The following SPTLC2 variants were observed in gnomAD, a reference collection of about 807,000 sequenced individuals.
SPTLC2 encodes the protein serine palmitoyltransferase long chain base subunit 2.
SPTLC2 carries 21 observed loss-of-function variants against 62.0 expected under a neutral mutation model. The observed-to-expected ratio is 0.34, with a 90% CI of 0.24 to 0.49. The LOEUF (loss-of-function observed/expected upper bound fraction) is 0.49. Ranked by LOEUF, SPTLC2 falls within the 20% of genes least tolerant of loss-of-function variation. SPTLC2 has a pLI of 0.99. For missense variants in SPTLC2, 511 were observed against 713.0 expected (o/e 0.72, Z 3.23); for synonymous variants, 261 against 261.8 (o/e 1.00, Z 0.03).
intron 1 of SPTLC2, 54 bp from the exon 2 acceptor site, chr14:77,597,434 A>G (rs2079853559): frequency 1.3e-6 from 2 of 1,534,384 alleles, no homozygotes; most frequent in South Asian, 2.3e-5. Context: ...AAACATTCCT[A>G]CCTAAAATCT....
At chr14:77,547,841 C>G (rs1209973929) in intron 9 of SPTLC2, 2 of 148,748 alleles carry the variant, frequency 1.3e-5, no homozygotes, top group African/African-American at 5.0e-5. Context: ...AGCTGGGACT[C>G]CAGGCATGTG....
chr14:77,526,289 AG>A (rs1426925448), intron 9 of SPTLC2, among the ~76,000 whole-genome samples: 3 of 151,888 alleles, frequency 2.0e-5, no homozygotes, highest in Non-Finnish European at 2.9e-5. Flanking sequence ...TTCACTGCAG[AG>A]TTTCAGCAAG....
At chr14:77,585,089 G>C (rs1176060012) in intron 2 of SPTLC2, among the ~76,000 whole-genome samples, 2 of 152,154 alleles carry the variant, frequency 1.3e-5, no homozygotes, top group Non-Finnish European at 2.9e-5. Flanking sequence ...CCTAGTTTGG[G>C]GTAGCTGCCC....
At chr14:77,525,152 G>A (rs893471858) in intron 9 of SPTLC2, among the ~76,000 whole-genome samples, 12 of 152,134 alleles carry the variant, frequency 7.9e-5, no homozygotes, top group Non-Finnish European at 1.2e-4. Flanking sequence ...AGGAAAGCCA[G>A]GCACAGTGGT....
At chr14:77,569,212 T>A (rs911502725) in intron 5 of SPTLC2, among the ~76,000 whole-genome samples, 18 of 152,238 alleles carry the variant, frequency 1.2e-4, no homozygotes, top group African/African-American at 4.1e-4. Context: ...GCATGCTGTA[T>A]TTTTTTTCTA....
chr14:77,587,091 G>A (rs1281529635), intron 2 of SPTLC2, among the ~76,000 whole-genome samples: 1 of 152,106 alleles, frequency 6.6e-6, no homozygotes, highest in South Asian at 2.1e-4. Flanking sequence ...AGCTGGGCGT[G>A]GTAGCGGGCG....
At chr14:77,562,013 C>T (rs1566780710) in intron 6 of SPTLC2, among the ~76,000 whole-genome samples, 4 of 152,242 alleles carry the variant, frequency 2.6e-5, no homozygotes, top group African/African-American at 7.2e-5. Context: ...TACTTCAGCA[C>T]CTGTCCACTA....
At chr14:77,553,567 T>C (rs1359308596) in intron 8 of SPTLC2, among the ~76,000 whole-genome samples, 5 of 151,654 alleles carry the variant, frequency 3.3e-5, no homozygotes, top group African/African-American at 9.7e-5. Flanking sequence ...CTGTCTCTAC[T>C]AAAAATACAA....
chr14:77,582,476 G>A (rs571381371), intron 2 of SPTLC2, among the ~76,000 whole-genome samples: 77 of 152,146 alleles, frequency 5.1e-4, no homozygotes, highest in African/African-American at 1.7e-3. Flanking sequence ...AATATTTTTT[G>A]TTTTACTATA....
intron 11 of SPTLC2, among the ~76,000 whole-genome samples, chr14:77,514,115 G>A (rs2139990532): frequency 6.6e-6 from 1 of 152,170 alleles, no homozygotes; most frequent in East Asian, 1.9e-4. Flanking sequence ...GCTGGGAGAT[G>A]GAGGCTGCAG....
chr14:77,595,483 A>C (rs2079841493), intron 2 of SPTLC2, among the ~76,000 whole-genome samples: 1 of 152,200 alleles, frequency 6.6e-6, no homozygotes, highest in African/African-American at 2.4e-5. Flanking sequence ...CAAAAAACTT[A>C]TTTACCTTCT....
chr14:77,517,156 T>C (rs184363185), intron 11 of SPTLC2, among the ~76,000 whole-genome samples: 2 of 152,218 alleles, frequency 1.3e-5, no homozygotes, highest in Admixed American at 6.5e-5. Context: ...TGAGGCAGAA[T>C]TGCTTGAACC....
At chr14:77,585,220 G>A (rs754115555) in intron 2 of SPTLC2, among the ~76,000 whole-genome samples, 1 of 152,172 alleles carries the variant, frequency 6.6e-6, no homozygotes, top group African/African-American at 2.4e-5. Flanking sequence ...ATAATGTGAC[G>A]ATTTCAACAA....
Position 77,552,173 on chromosome 14 carries a change from G to A in SPTLC2, c.1226C>T (p.Thr409Met), listed in dbSNP as rs368357970. The change falls in exon 9 of 12, where the codon ACG becomes ATG. Residue 409 changes from threonine to methionine, a missense_variant. Physicochemically the swap from Thr to Met is moderately conservative, Grantham distance 81. Coordinates refer to ENST00000216484, the MANE Select transcript of SPTLC2 (RefSeq NM_004863.4). ...RTHSHSAVYA[T>M]SLSPPVVEQI... ...CTCCACTACAGGAGGTGACAATGAC[G>A]TGGCATACACTGCACTATGAGAATG... 29 of 1,614,048 alleles carry A rather than the reference G, an allele frequency of 1.8e-5. No individual in the cohort carries two copies. Among genetic ancestry groups the A allele is most frequent in the Non-Finnish European group, 2.4e-5 (28 of 1,180,024 alleles).
chr14:77,546,786 A>G (rs1373233910), intron 9 of SPTLC2, among the ~76,000 whole-genome samples: 1 of 151,088 alleles, frequency 6.6e-6, no homozygotes, highest in Non-Finnish European at 1.5e-5. Flanking sequence ...CCCAGGTTGG[A>G]GTGTAATGGC....
At chr14:77,553,704 C>A (rs1339293471) in intron 8 of SPTLC2, among the ~76,000 whole-genome samples, 2 of 122,878 alleles carry the variant, frequency 1.6e-5, no homozygotes, top group Non-Finnish European at 3.2e-5. Context: ...GAACTCCAGC[C>A]TGGCAATGGA....
At chr14:77,592,934 T>C (rs1187510728) in intron 2 of SPTLC2, among the ~76,000 whole-genome samples, 1 of 152,006 alleles carries the variant, frequency 6.6e-6, no homozygotes, top group Non-Finnish European at 1.5e-5. Context: ...AAACCTTGTA[T>C]CTACTAAAAA....
chr14:77,546,740 C>CTT (rs11431131), intron 9 of SPTLC2, among the ~76,000 whole-genome samples: 11,611 of 148,982 alleles, frequency 0.078, 606 homozygotes, highest in Admixed American at 0.15. Context: ...TGGTAAAACA[C>CTT]TTTTTTTTTT....
chr14:77,592,079 A>T (rs1475950096), intron 2 of SPTLC2, among the ~76,000 whole-genome samples: 2 of 147,876 alleles, frequency 1.4e-5, no homozygotes, highest in Non-Finnish European at 2.9e-5. Flanking sequence ...GACAAACCAA[A>T]CAATCAATCC....
Sources: allele counts gnomAD v4.1 joint callset (sites outside exome capture counted in the v4.1 genomes callset), GRCh38; gene constraint gnomAD v4.1.1; transcripts MANE v1.5; gene names NCBI Gene and HGNC (gene_info 2026-07-23, HGNC 2026-07-21).